Variants in SNRPD3 observed in about 807,000 individuals in gnomAD.
SNRPD3 encodes the protein small nuclear ribonucleoprotein D3 polypeptide.
For synonymous variants in SNRPD3, 66 were observed against 58.4 expected (o/e 1.13, Z -0.59); for missense variants, 73 against 167.5 (o/e 0.44, Z 3.11).
At chr22:24,557,140 G>A (rs931562986) in intron 1 of SNRPD3, among the ~76,000 whole-genome samples, 2 of 152,186 alleles carry the variant, frequency 1.3e-5, no homozygotes, top group Admixed American at 6.5e-5. Context: ...CTGGGATTGA[G>A]GGACTGGGTT....
At chr22:24,564,415 G>A (rs188312735) in intron 2 of SNRPD3, among the ~76,000 whole-genome samples, 2 of 152,232 alleles carry the variant, frequency 1.3e-5, no homozygotes, top group Admixed American at 1.3e-4. Flanking sequence ...ATTAAACTGG[G>A]TGTTCCTGCC....
chr22:24,568,111 G>C lies in SNRPD3; in HGVS notation c.254G>C (p.Ser85Thr). 1.2e-6 allele frequency: 2 copies of C among 1,614,002 alleles called. No homozygotes were observed. Among genetic ancestry groups the C allele is most frequent in the Non-Finnish European group, 1.7e-6 (2 of 1,179,978 alleles). The change falls in exon 3 of 4, where the codon AGC (serine) becomes ACC (threonine). Residue 85 changes from serine (S) to threonine (T), a missense_variant. Coordinates refer to ENST00000215829, the MANE Select transcript of SNRPD3 (RefSeq NM_004175.5). ...CTGAAGAACGCACCCATGTTAAAGA[G>C]CATGAAAAATAAAAACCAAGGCTCA... ...DMLKNAPMLKSMKNKNQGSGA... is the reference protein window; with the variant it reads ...DMLKNAPMLKTMKNKNQGSGA...
At chr22:24,563,276 ATATG>A (rs2045164830) in intron 2 of SNRPD3, among the ~76,000 whole-genome samples, 3 of 145,720 alleles carry the variant, frequency 2.1e-5, no homozygotes, top group Non-Finnish European at 4.5e-5. Flanking sequence ...GTATGTATAT[ATATG>A]TGTGTGTGTG....
chr22:24,556,610 C>T (rs1196703172), intron 1 of SNRPD3, among the ~76,000 whole-genome samples: 2 of 152,232 alleles, frequency 1.3e-5, no homozygotes, highest in Admixed American at 6.5e-5. Flanking sequence ...TTAACTGTTG[C>T]AGAAGTTTTA....
upstream of SNRPD3, chr22:24,555,903 G>T: frequency 6.9e-7 from 1 of 1,459,182 alleles, no homozygotes; most frequent in Non-Finnish European, 9.2e-7. Flanking sequence ...AGGAGGAAGC[G>T]GAGGCGAGAC....
chr22:24,555,892 G>A (rs1569022230), upstream of SNRPD3: 1 of 1,500,450 alleles, frequency 6.7e-7, no homozygotes, highest in Non-Finnish European at 9.0e-7. Flanking sequence ...CAGGCGGAGT[G>A]AGGAGGAAGC....
intron 1 of SNRPD3, among the ~76,000 whole-genome samples, chr22:24,556,646 A>G (rs1021865843): frequency 3.9e-5 from 6 of 152,182 alleles, no homozygotes; most frequent in African/African-American, 1.4e-4. Flanking sequence ...TCTAAACCTT[A>G]CGTTCTATCC....
intron 2 of SNRPD3, among the ~76,000 whole-genome samples, chr22:24,560,258 A>G (rs1297724503): frequency 1.5e-5 from 2 of 135,490 alleles, no homozygotes; most frequent in African/African-American, 5.5e-5. Flanking sequence ...CTGGGACTAC[A>G]GGCATCTGCC....
intron 2 of SNRPD3, among the ~76,000 whole-genome samples, chr22:24,563,773 A>G (rs2045170451): frequency 6.6e-6 from 1 of 152,108 alleles, no homozygotes. Context: ...GGACTGTTTG[A>G]AATCTGTTTT....
At position 24,568,139 on chromosome 22, in the gene SNRPD3, G is replaced by T; in HGVS notation, c.282G>T (p.Gly94=). The change falls in exon 3 of 4, where the codon GGG becomes GGT. Residue 94 remains glycine, a synonymous_variant. Coordinates refer to ENST00000215829, the MANE Select transcript of SNRPD3 (RefSeq NM_004175.5). Reference sequence around the variant, plus strand: ...TGAAAAATAAAAACCAAGGCTCAGGGGCTGGCCGAGGAAAAGCTGCTATTC... The same window carrying T: ...TGAAAAATAAAAACCAAGGCTCAGGTGCTGGCCGAGGAAAAGCTGCTATTC... ...KSMKNKNQGS[G]AGRGKAAILK... 6.2e-7 allele frequency: 1 copy of T among 1,613,754 alleles called. No homozygotes were observed. The highest frequency in any genetic ancestry group is 8.5e-7 in the Non-Finnish European group (1 of 1,179,876).
chr22:24,568,223 G>A, intron 3 of SNRPD3, 47 bp downstream of exon 3: 1 of 1,497,608 alleles, frequency 6.7e-7, no homozygotes, highest in Non-Finnish European at 9.1e-7. Flanking sequence ...TTTGTCTTGT[G>A]TCTTGTAGAA....
At chr22:24,570,678 A>G (rs1451544657) in intron 3 of SNRPD3, among the ~76,000 whole-genome samples, 2 of 152,226 alleles carry the variant, frequency 1.3e-5, no homozygotes, top group East Asian at 3.9e-4. Context: ...GCTAGACTCC[A>G]TCTCAAAAAA....
intron 3 of SNRPD3, among the ~76,000 whole-genome samples, chr22:24,570,855 A>G (rs1230493085): frequency 1.6e-5 from 2 of 128,214 alleles, no homozygotes; most frequent in East Asian, 4.9e-4. Context: ...AGTCTCCATC[A>G]CCCAGGCTGC....
Position 24,573,249 on chromosome 22 carries a change from A to G in SNRPD3, c.*1272A>G, listed in dbSNP as rs2045264604. 6.6e-6 allele frequency among the ~76,000 whole-genome samples: 1 copy of G among 152,270 alleles called. No homozygotes were observed. The highest frequency in any genetic ancestry group is 1.9e-4 in the East Asian group (1 of 5,182). ...TAAAGAGTATAAGATACACAGGGTG[A>G]ATAATTGTGACAAAAACACAGAAAC... On this transcript the variant is annotated 3_prime_UTR_variant, in exon 4 of 4. Coordinates refer to ENST00000215829, the MANE Select transcript of SNRPD3 (RefSeq NM_004175.5).
intron 2 of SNRPD3, among the ~76,000 whole-genome samples, chr22:24,563,742 A>G (rs2045170238): frequency 6.6e-6 from 1 of 152,148 alleles, no homozygotes; most frequent in East Asian, 1.9e-4. Context: ...GGGCTTCAAC[A>G]TGACCACCCA....
At chr22:24,571,531 G>A (rs921511979) in intron 3 of SNRPD3, among the ~76,000 whole-genome samples, 3 of 152,134 alleles carry the variant, frequency 2.0e-5, no homozygotes, top group African/African-American at 7.2e-5. Context: ...CTGAGGTCAG[G>A]AGTTTAAGAC....
In SNRPD3 at chr22:24,568,094, C is replaced by T. The variant is rs201737361; in HGVS notation, c.237C>T (p.Asn79=). The change falls in exon 3 of 4, where the codon AAC becomes AAT. Residue 79 remains asparagine, a synonymous_variant. Coordinates refer to ENST00000215829, the MANE Select transcript of SNRPD3 (RefSeq NM_004175.5). ...RFLILPDMLK[N]APMLKSMKNK... ...TGATTTTGCCTGACATGCTGAAGAA[C>T]GCACCCATGTTAAAGAGCATGAAAA... 27 of 1,614,036 alleles carry T rather than the reference C, an allele frequency of 1.7e-5. No homozygotes were observed. The highest frequency in any genetic ancestry group is 1.6e-4 in the Middle Eastern group (1 of 6,062).
At chr22:24,558,309 A>T (rs1194935219) in intron 2 of SNRPD3, among the ~76,000 whole-genome samples, 1 of 152,202 alleles carries the variant, frequency 6.6e-6, no homozygotes, top group African/African-American at 2.4e-5. Flanking sequence ...CTCTGATGAT[A>T]AATAATGGAG....
chr22:24,557,372 A>G (rs151029362), intron 1 of SNRPD3, among the ~76,000 whole-genome samples: 166 of 152,348 alleles, frequency 1.1e-3, no homozygotes, highest in African/African-American at 3.7e-3. Flanking sequence ...ATTAAGGGAC[A>G]TAGGGTAGCG....
Sources: allele counts gnomAD v4.1 joint callset (sites outside exome capture counted in the v4.1 genomes callset), GRCh38; gene constraint gnomAD v4.1.1; transcripts MANE v1.5; gene names NCBI Gene and HGNC (gene_info 2026-07-23, HGNC 2026-07-21).